Variants in ZNF333 observed in about 807,000 individuals in gnomAD.
ZNF333 encodes the protein zinc finger protein 333.
In ZNF333, 61 loss-of-function variants were observed where a neutral mutation model predicts 76.1. The observed-to-expected ratio is 0.80, with a 90% CI of 0.65 to 0.99. The LOEUF is 0.99. Ranked by LOEUF, ZNF333 falls within the 50% of genes least tolerant of loss-of-function variation. ZNF333 has a pLI of 0.00. For synonymous variants in ZNF333, 284 were observed against 305.0 expected, an observed-to-expected ratio of 0.93 and a Z score of 0.72; for missense variants, 717 against 822.4, an observed-to-expected ratio of 0.87 and a Z score of 1.57.
downstream of ZNF333, among the ~76,000 whole-genome samples, chr19:14,725,922 G>A (rs1394881612): frequency 6.6e-6 from 1 of 152,176 alleles, no homozygotes; most frequent in Non-Finnish European, 1.5e-5. Context: ...GCTCCACTAG[G>A]CAGTGCCCTG....
intron 6 of ZNF333, chr19:14,706,289 A>G (rs2042108241): frequency 2.5e-6 from 1 of 396,882 alleles, no homozygotes; most frequent in African/African-American, 2.1e-5. Flanking sequence ...TCCTACTCCA[A>G]GGAGAGGTCT....
downstream of ZNF333, among the ~76,000 whole-genome samples, chr19:14,723,297 C>T (rs748451274): frequency 1.2e-4 from 19 of 152,160 alleles, no homozygotes; most frequent in Non-Finnish European, 2.5e-4. Context: ...TATCTTTATG[C>T]CATTACCGTA....
chr19:14,694,323 A>C (rs1478228067), intron 2 of ZNF333, among the ~76,000 whole-genome samples: 1 of 151,840 alleles, frequency 6.6e-6, no homozygotes, highest in African/African-American at 2.4e-5. Flanking sequence ...AAATACAAAA[A>C]GTTAGCTGGG....
chr19:14,697,992 C>T (rs528890338), intron 4 of ZNF333, among the ~76,000 whole-genome samples: 3 of 152,190 alleles, frequency 2.0e-5, no homozygotes, highest in African/African-American at 7.2e-5. Flanking sequence ...AGGAAATTGC[C>T]TCTCATTTTC....
rs777211453 is a variant in ZNF333, at chr19:14,719,136, A to C, written c.1809A>C (p.Ser603=). 2 of 1,614,224 alleles carry C rather than the reference A, an allele frequency of 1.2e-6. No individual in the cohort carries two copies. Among genetic ancestry groups the C allele is most frequent in the East Asian group, 4.5e-5 (2 of 44,882 alleles). The change falls in exon 12 of 12, where the codon TCA becomes TCC. Residue 603 remains serine (S), a synonymous_variant. Transcript: ENST00000292530. Reference sequence around the variant, plus strand: ...GCGGGCGAGCCTTTGGTCAGTCTTCACATCTTATTGTACATGTGAGAACAC... The same window carrying C: ...GCGGGCGAGCCTTTGGTCAGTCTTCCCATCTTATTGTACATGTGAGAACAC... ...QECGRAFGQS[S]HLIVHVRTHS...
In ZNF333 at chr19:14,720,900, C is replaced by CAT. The variant is rs1177608869; in HGVS notation, c.*1582_*1583dup. On this transcript the variant is annotated 3_prime_UTR_variant, in exon 12 of 12. Coordinates refer to ENST00000292530, the MANE Select transcript of ZNF333 (RefSeq NM_032433.4). ...GTTTTTAAATTTATGTATATACATA[C>CAT]ATATATATGTTTTGAAGCAATGAAA... is the stretch of plus-strand genomic sequence containing the variant. 1 of 867,962 alleles carries CAT rather than the reference C, an allele frequency of 1.2e-6. No homozygotes were observed. The highest frequency in any genetic ancestry group is 1.4e-6 in the Non-Finnish European group (1 of 723,486). The allele number at this position is 867,962 out of a possible 1,614,324, so 53.8% of individuals were successfully genotyped here.
chr19:14,728,886 T>C (rs1255573948), intron 11 of ZNF333, among the ~76,000 whole-genome samples: 1 of 152,156 alleles, frequency 6.6e-6, no homozygotes, highest in Admixed American at 6.5e-5. Flanking sequence ...CTTAACGCAA[T>C]CCCTGCCTCC....
intron 5 of ZNF333, among the ~76,000 whole-genome samples, chr19:14,699,653 G>T (rs1035740002): frequency 6.6e-6 from 1 of 151,978 alleles, no homozygotes; most frequent in African/African-American, 2.4e-5. Flanking sequence ...GTAGAGACAG[G>T]GTTTCACTGT....
In ZNF333 at chr19:14,695,104, T is replaced by C; in HGVS notation, c.98T>C (p.Leu33Pro). The C allele has an allele frequency of 6.2e-7, 1 of 1,614,076 alleles. No individual in the cohort carries two copies. Among genetic ancestry groups the C allele is most frequent in the Non-Finnish European group, 8.5e-7 (1 of 1,179,940 alleles). Reference protein sequence around the residue: ...ARRSLCKYRMLDQCRTLASRG... With the variant: ...ARRSLCKYRMPDQCRTLASRG... ...AGGAGCCTGTGCAAATACAGGATGC[T>C]TGACCAGTGCAGGACCCTGGCCTCC... The change falls in exon 3 of 12, where the codon CTT (leucine) becomes CCT (proline). Residue 33 changes from leucine to proline, a missense_variant. By Grantham distance (98) the Leu-to-Pro change is moderately conservative. Transcript: ENST00000292530.
downstream of ZNF333, among the ~76,000 whole-genome samples, chr19:14,724,657 T>C (rs1275368387): frequency 6.6e-6 from 1 of 152,084 alleles, no homozygotes; most frequent in African/African-American, 2.4e-5. Context: ...TCCCAGCTAC[T>C]CTGGAGGCTG....
Position 14,719,953 on chromosome 19 carries a change from A to G in ZNF333, c.*628A>G. The stretch of plus-strand genomic sequence containing the variant: ...CTAATCCCAGCACTTTGGGAGGCTG[A>G]GGCTGGGGGATCACCTGAGGTCAGG... On this transcript the variant is annotated 3_prime_UTR_variant, in exon 12 of 12. Coordinates refer to ENST00000292530, the MANE Select transcript of ZNF333 (RefSeq NM_032433.4). 1.0e-6 allele frequency: 1 copy of G among 974,988 alleles called. No homozygotes were observed. Among genetic ancestry groups the G allele is most frequent in the Non-Finnish European group, 1.2e-6 (1 of 820,482 alleles). The allele number at this position is 974,988 out of a possible 1,614,324, so 60.4% of individuals were successfully genotyped here. A position where few individuals can be genotyped will look rare whatever the true frequency, so the allele number is the denominator to read the frequency against.
At position 14,717,042 on chromosome 19, in the gene ZNF333, G is replaced by A. The variant is rs1004330056; in HGVS notation, c.776G>A (p.Gly259Glu). The change falls in exon 10 of 12, where the codon GGA (glycine) becomes GAA (glutamate). Residue 259 changes from glycine to glutamate, a missense_variant. Coordinates refer to ENST00000292530, the MANE Select transcript of ZNF333 (RefSeq NM_032433.4). ...GCGTTGTCTTATTTGGAAGAAAGAG[G>A]AGAGCAGTGGACCACTGACAGGGGC... ...PNALSYLEER[G>E]EQWTTDRGVL... 12 of 1,611,738 alleles carry A rather than the reference G, an allele frequency of 7.4e-6. No homozygotes were observed. The highest frequency in any genetic ancestry group is 1.3e-5 in the African/African-American group (1 of 74,914).
At chr19:14,715,544 G>C (rs575117785) in intron 8 of ZNF333, 74 bp downstream of exon 8, 1 of 1,416,304 alleles carries the variant, frequency 7.1e-7, no homozygotes, top group Admixed American at 1.9e-5. Flanking sequence ...CCTGTGACCT[G>C]TCTGGATCAT....
chr19:14,690,781 C>CT lies in ZNF333; in HGVS notation c.-42+639dup, dbSNP rs1016070828. ...CCTTTTCCATAACTTTTTCTTTCTTCTTTTTTTTCTTTCTCATAAGAAAGC... is the reference window on the plus strand; with the variant it reads ...CCTTTTCCATAACTTTTTCTTTCTTCTTTTTTTTTCTTTCTCATAAGAAAGC... On this transcript the variant is annotated intron_variant, in intron 1 of 11. Coordinates refer to ENST00000292530, the MANE Select transcript of ZNF333 (RefSeq NM_032433.4). Among the ~76,000 whole-genome samples the CT allele has an allele frequency of 5.9e-4, 90 of 152,088 alleles. No individual in the cohort carries two copies. The Middle Eastern group carries it at 0.014, about 23-fold the overall frequency.
chr19:14,705,504 T>A (rs978933014), intron 6 of ZNF333, among the ~76,000 whole-genome samples: 1 of 152,160 alleles, frequency 6.6e-6, no homozygotes, highest in African/African-American at 2.4e-5. Context: ...GCAGGTCCTA[T>A]GACCTGAGGG....
intron 5 of ZNF333, chr19:14,700,174 T>G (rs1973576479): frequency 6.7e-6 from 1 of 149,604 alleles, no homozygotes; most frequent in African/African-American, 2.4e-5. Context: ...CCAGCTAATT[T>G]TTTTCTTTTT....
At chr19:14,729,983 A>G (rs2042657465) in intron 11 of ZNF333, among the ~76,000 whole-genome samples, 1 of 152,206 alleles carries the variant, frequency 6.6e-6, no homozygotes, top group African/African-American at 2.4e-5. Flanking sequence ...TGAGAGAAAG[A>G]TTTTGGCTAA....
At position 14,718,386 on chromosome 19, in the gene ZNF333, A is replaced by T. The variant is rs982219511; in HGVS notation, c.1059A>T (p.Leu353=). 2.5e-6 allele frequency: 4 copies of T among 1,614,058 alleles called. No homozygotes were observed. The Admixed American group carries it at 5.0e-5, about 20-fold the overall frequency. The change falls in exon 12 of 12, where the codon CTA becomes CTT. Residue 353 remains leucine, a synonymous_variant. Coordinates refer to ENST00000292530, the MANE Select transcript of ZNF333 (RefSeq NM_032433.4). ...ATTCCTTCTTCCAGAGTGCCCACCT[A>T]ATTGTGCCCGAGAAAATCCGTAGTG... ...IRNSFFQSAH[L]IVPEKIRSGD...
Position 14,718,332 on chromosome 19 carries a change from G to A in ZNF333, c.1005G>A (p.Glu335=), listed in dbSNP as rs1314755680. 5.6e-6 allele frequency: 9 copies of A among 1,614,082 alleles called. No individual in the cohort carries two copies. The highest frequency in any genetic ancestry group is 7.6e-6 in the Non-Finnish European group (9 of 1,180,046). The part of the protein sequence containing the change: ...LFQYQRIHAG[E]ASCECQEIRN... The stretch of plus-strand genomic sequence containing the variant: ...AGTACCAGAGAATTCATGCTGGAGA[G>A]GCATCCTGTGAATGTCAAGAGATTA... Residue 335 remains glutamate (E), a synonymous_variant, in exon 12 of 12, where the codon GAG becomes GAA. Transcript: ENST00000292530.
Sources: allele counts gnomAD v4.1 joint callset (sites outside exome capture counted in the v4.1 genomes callset), GRCh38; gene constraint gnomAD v4.1.1; transcripts MANE v1.5; gene names NCBI Gene and HGNC (gene_info 2026-07-23, HGNC 2026-07-21).